Variants in GIGYF1 observed in about 807,000 individuals in gnomAD.
GIGYF1 encodes the protein GRB10 interacting GYF protein 1.
A neutral mutation model predicts 147.1 loss-of-function variants in GIGYF1; 84 were observed. The observed-to-expected ratio is 0.57, with a 90% CI of 0.48 to 0.68. The LOEUF (loss-of-function observed/expected upper bound fraction) is 0.68, where lower values mean the gene tolerates loss of function less well. GIGYF1 is among the 30% of genes least tolerant of loss of function. GIGYF1 has a pLI of 0.00. For missense variants in GIGYF1, 1,485 were observed against 1,393.7 expected (o/e 1.07, Z -1.04); for synonymous variants, 752 against 589.5 (o/e 1.28, Z -3.99).
rs1484835488 is a variant in GIGYF1, at chr7:100,682,074, G to A, written c.2923C>T (p.Gln975Ter). The A allele has an allele frequency of 6.2e-7, 1 of 1,611,056 alleles. No homozygotes were observed. The highest frequency in any genetic ancestry group is 8.5e-7 in the Non-Finnish European group (1 of 1,178,870). ...QKASQQRQQQQEAWLSSASLQ... is the reference protein window; with the variant it reads ...QKASQQRQQQ ...GCTGCTGGTGCCGGCTGCCTCACCTGCTGCTGCTGCCGCTGCTGGCTGGCT... is the reference window on the plus strand; with the variant it reads ...GCTGCTGGTGCCGGCTGCCTCACCTACTGCTGCTGCCGCTGCTGGCTGGCT... The change falls in exon 25 of 27, where the codon CAG (glutamine) becomes TAG (stop). Residue 975 changes from glutamine (Q) to a stop codon, truncating the protein, a stop_gained and splice_region_variant. Transcript: ENST00000678049. LOFTEE classifies it high-confidence loss of function.
intron 14 of GIGYF1, 29 bp from the exon 15 acceptor site, chr7:100,684,923 C>G: frequency 6.2e-7 from 1 of 1,603,976 alleles, no homozygotes; most frequent in Non-Finnish European, 8.5e-7. Context: ...AAGAAAGGCT[C>G]AGCTGCCAAT....
intron 24 of GIGYF1, 31 bp from the exon 25 acceptor site, chr7:100,682,266 C>T (rs1415576463): frequency 1.2e-6 from 2 of 1,608,216 alleles, no homozygotes; most frequent in East Asian, 2.2e-5. Context: ...GTCAGGGCCC[C>T]CTGGCCGGGT....
rs1354883017 is a variant in GIGYF1, at chr7:100,686,691, C to T, written c.652G>A (p.Gly218Arg). Residue 218 changes from glycine (G) to arginine (R), a missense_variant, in exon 10 of 27, where the codon GGG becomes AGG. Transcript: ENST00000678049. ...CAGCGGTCGCCGTCTCGCCGGGGCC[C>T]TGCTCCGAGCCTCCAGCTGCCCTCC... ...EEEGSWRLGAGPRRDGDRWRS... is the reference protein window; with the variant it reads ...EEEGSWRLGARPRRDGDRWRS... 6.2e-7 allele frequency: 1 copy of T among 1,613,166 alleles called. No homozygotes were observed. Among genetic ancestry groups the T allele is most frequent in the Non-Finnish European group, 8.5e-7 (1 of 1,179,840 alleles).
intron 1 of GIGYF1, 51 bp downstream of exon 1, chr7:100,694,059 G>A (rs1377970259): frequency 6.8e-6 from 1 of 146,434 alleles, no homozygotes; most frequent in East Asian, 2.0e-4. Context: ...GGGCGGGCCT[G>A]CCCCGGGGCT....
chr7:100,688,306 A>T lies in GIGYF1; in HGVS notation c.-68T>A. Reference sequence around the variant, plus strand: ...GGGACCTGGCGTTCACTGTCCAAACACCTGTGGGGGAACAGGGGCCATGAA... The same window carrying T: ...GGGACCTGGCGTTCACTGTCCAAACTCCTGTGGGGGAACAGGGGCCATGAA... On this transcript the variant is annotated splice_region_variant and 5_prime_UTR_variant, in exon 4 of 27. Coordinates refer to ENST00000678049, the MANE Select transcript of GIGYF1 (RefSeq NM_001375765.1). 8.3e-7 allele frequency: 1 copy of T among 1,199,894 alleles called. No individual in the cohort carries two copies. Among genetic ancestry groups the T allele is most frequent in the Non-Finnish European group, 1.2e-6 (1 of 815,980 alleles). 74.3% of individuals were successfully genotyped at this position (1,199,894 alleles called of 1,614,324 possible).
chr7:100,688,003 G>A lies in GIGYF1; in HGVS notation c.143C>T (p.Ala48Val). The change falls in exon 5 of 27, where the codon GCT (alanine) becomes GTT (valine). Residue 48 changes from alanine to valine, a missense_variant. Ala to Val is a moderately conservative substitution (Grantham distance 64, BLOSUM62 0). Coordinates refer to ENST00000678049, the MANE Select transcript of GIGYF1 (RefSeq NM_001375765.1). ...DYRYGREEML[A>V]LYVKENKVPE... is the part of the protein sequence containing the mutation. ...CACCTTGTTCTCCTTGACGTAGAGAGCCAGCATTTCCTCTCGCCCATAACG... is the reference window on the plus strand; with the variant it reads ...CACCTTGTTCTCCTTGACGTAGAGAACCAGCATTTCCTCTCGCCCATAACG... 2.5e-6 allele frequency: 4 copies of A among 1,613,120 alleles called. No homozygotes were observed. The highest frequency in any genetic ancestry group is 3.4e-6 in the Non-Finnish European group (4 of 1,179,354).
In GIGYF1 at chr7:100,684,298, G is replaced by A. The variant is rs1262110636; in HGVS notation, c.1669C>T (p.Leu557=). 1.2e-6 allele frequency: 2 copies of A among 1,602,922 alleles called. No individual in the cohort carries two copies. The highest frequency in any genetic ancestry group is 1.7e-5 in the Admixed American group (1 of 58,386). Residue 557 remains leucine (L), a synonymous_variant, in exon 17 of 27, where the codon CTG becomes TTG. Coordinates refer to ENST00000678049, the MANE Select transcript of GIGYF1 (RefSeq NM_001375765.1). ...TGCTGGTACAAGGCCGCCGCGGCCA[G>A]CTCCTGTTGCTTCTTCAGCCGCTCC... The part of the protein sequence containing the change: ...DQERLKKQQE[L]AAAALYQQLQ...
chr7:100,693,972 G>A (rs1220207202), intron 1 of GIGYF1, 138 bp downstream of exon 1: 1 of 150,234 alleles, frequency 6.7e-6, no homozygotes, highest in Non-Finnish European at 1.5e-5. Context: ...GACGGGGGAG[G>A]GTCCTCGCTG....
chr7:100,683,025 G>A lies in GIGYF1; in HGVS notation c.2399C>T (p.Pro800Leu), dbSNP rs1404603626. 4.6e-6 allele frequency: 7 copies of A among 1,535,834 alleles called. No individual in the cohort carries two copies. The highest frequency in any genetic ancestry group is 6.1e-6 in the Non-Finnish European group (7 of 1,145,914). The change falls in exon 22 of 27, where the codon CCC (proline) becomes CTC (leucine). Residue 800 changes from proline (P) to leucine (L), a missense_variant. By Grantham distance (98) the Pro-to-Leu change is moderately conservative. Transcript: ENST00000678049. ...PPREPARAQA[P>L]NHRVQLGGLG... ...CGGCCTGCTCACCACTCGGTGGTTG[G>A]GGGCCTGGGCCCGAGCTGGCTCCCG...
At position 100,683,185 on chromosome 7, in the gene GIGYF1, C is replaced by T. The variant is rs1021907570; in HGVS notation, c.2239G>A (p.Ala747Thr). The part of the protein sequence containing the change: ...LLLKLLQQQQ[A>T]VPVPPAPSSP... Reference sequence around the variant, plus strand: ...CTGGGTGCGGGGGGCACAGGGACCGCCTGCTGCTGCTGTAGCAACTTCAGC... The same window carrying T: ...CTGGGTGCGGGGGGCACAGGGACCGTCTGCTGCTGCTGTAGCAACTTCAGC... Residue 747 changes from alanine (A) to threonine (T), a missense_variant, in exon 22 of 27, where the codon GCG becomes ACG. Coordinates refer to ENST00000678049, the MANE Select transcript of GIGYF1 (RefSeq NM_001375765.1). 6 of 1,607,048 alleles carry T rather than the reference C, an allele frequency of 3.7e-6. No individual in the cohort carries two copies. Among genetic ancestry groups the T allele is most frequent in the Non-Finnish European group, 5.1e-6 (6 of 1,179,442 alleles).
intron 9 of GIGYF1, 57 bp downstream of exon 9, chr7:100,686,949 G>T (rs1805410076): frequency 6.2e-7 from 1 of 1,607,774 alleles, no homozygotes. Context: ...CCCCAGACTG[G>T]GCCACCCATC....
At chr7:100,688,422 T>C in intron 3 of GIGYF1, 29 bp downstream of exon 3, 1 of 702,204 alleles carries the variant, frequency 1.4e-6, no homozygotes, top group South Asian at 1.5e-5. Flanking sequence ...GACTAGCTGG[T>C]GGGTCACCTG....
rs754959861 is a variant in GIGYF1 at position 100,684,150 on chromosome 7, G to A, written c.1738C>T (p.Leu580Phe). 2 of 1,608,700 alleles carry A rather than the reference G, an allele frequency of 1.2e-6. No individual in the cohort carries two copies. Among genetic ancestry groups the A allele is most frequent in the Non-Finnish European group, 1.7e-6 (2 of 1,179,554 alleles). ...QFLQLVSSRQLPQCALREKAA... is the reference protein window; with the variant it reads ...QFLQLVSSRQFPQCALREKAA... ...TTTTCTCGGAGCGCGCACTGTGGGA[G>A]CTGGCGGCTGCAAATGGGACAGTGG... is the stretch of plus-strand genomic sequence containing the variant. Residue 580 changes from leucine to phenylalanine, a missense_variant, in exon 18 of 27, where the codon CTC becomes TTC. Physicochemically the swap from Leu to Phe is conservative, Grantham distance 22 (BLOSUM62 0). Coordinates refer to ENST00000678049, the MANE Select transcript of GIGYF1 (RefSeq NM_001375765.1).
In GIGYF1 at chr7:100,681,949, GGCCTGGAAGGCC is replaced by G; in HGVS notation, c.2958_2969del (p.Ala987_Ala990del). On this transcript the variant is annotated inframe_deletion, in exon 26 of 27. Transcript: ENST00000678049. ...CGGGGCCGAGTTTGGTGCTGTGGTT[GGCCTGGAAGGCC>G]GTCTGCAGCGAGGCGCTGCTCAGCC... is the stretch of plus-strand genomic sequence containing the variant. 1 of 1,609,454 alleles carries G rather than the reference GGCCTGGAAGGCC, an allele frequency of 6.2e-7. No individual in the cohort carries two copies. Among genetic ancestry groups the G allele is most frequent in the Non-Finnish European group, 8.5e-7 (1 of 1,179,934 alleles).
rs1349491213 is a variant in GIGYF1 at position 100,680,418 on chromosome 7, A to C, written c.*1301T>G. 3.3e-5 allele frequency: 5 copies of C among 152,730 alleles called. No homozygotes were observed. The highest frequency in any genetic ancestry group is 7.3e-5 in the Non-Finnish European group (5 of 68,048). 9.5% of individuals were successfully genotyped at this position (152,730 alleles called of 1,614,324 possible). A position where few individuals can be genotyped will look rare whatever the true frequency, so the allele number is the denominator to read the frequency against. ...ACCCAAAATGGGCGGAGACGAACCCAAGTAGGGGACCGGGAATAAGAAGTG... is the reference window on the plus strand; with the variant it reads ...ACCCAAAATGGGCGGAGACGAACCCCAGTAGGGGACCGGGAATAAGAAGTG... On this transcript the variant is annotated 3_prime_UTR_variant, in exon 27 of 27. Transcript: ENST00000678049.
In GIGYF1 at chr7:100,687,038, C is replaced by G; in HGVS notation, c.491G>C (p.Arg164Thr). 6.2e-7 allele frequency: 1 copy of G among 1,613,898 alleles called. No homozygotes were observed. The highest frequency in any genetic ancestry group is 8.5e-7 in the Non-Finnish European group (1 of 1,180,022). Reference protein sequence around the residue: ...RSQSWDDRGERRFEKSARRDG... With the variant: ...RSQSWDDRGETRFEKSARRDG... ...CCGCCTTGCTGACTTCTCAAACCGC[C>G]TCTCGCCTCTGCAGCAGGGGAAACG... The change falls in exon 9 of 27, where the codon AGG becomes ACG. Residue 164 changes from arginine to threonine, a missense_variant. Coordinates refer to ENST00000678049, the MANE Select transcript of GIGYF1 (RefSeq NM_001375765.1).
Position 100,683,155 on chromosome 7 carries a change from G to T in GIGYF1, c.2269C>A (p.Pro757Thr). The change falls in exon 22 of 27, where the codon CCG (proline) becomes ACG (threonine). Residue 757 changes from proline to threonine, a missense_variant. Pro to Thr is a conservative substitution (Grantham distance 38, BLOSUM62 -1). Transcript: ENST00000678049. ...GCCAGGCCAGCCCAGAGTGGGGGCG[G>T]GGAGCTGGGTGCGGGGGGCACAGGG... Reference protein sequence around the residue: ...AVPVPPAPSSPPPLWAGLAKQ... With the variant: ...AVPVPPAPSSTPPLWAGLAKQ... 6.2e-7 allele frequency: 1 copy of T among 1,601,032 alleles called. No homozygotes were observed.
In GIGYF1 at chr7:100,681,707, G is replaced by T. The variant is rs1459470710; in HGVS notation, c.*12C>A. ...CCTGGCCTACAGCCCAGGGGCTGGGGGTCCGGGCTGGTCAGTAGTCATCCA... is the reference window on the plus strand; with the variant it reads ...CCTGGCCTACAGCCCAGGGGCTGGGTGTCCGGGCTGGTCAGTAGTCATCCA... On this transcript the variant is annotated 3_prime_UTR_variant, in exon 27 of 27. Coordinates refer to ENST00000678049, the MANE Select transcript of GIGYF1 (RefSeq NM_001375765.1). The T allele has an allele frequency of 1.9e-6, 3 of 1,548,582 alleles. No individual in the cohort carries two copies. The highest frequency in any genetic ancestry group is 1.8e-4 in the Middle Eastern group (1 of 5,620).
rs1455724041 is a variant in GIGYF1 at position 100,680,826 on chromosome 7, G to A, written c.*893C>T. 1.3e-5 allele frequency: 2 copies of A among 152,728 alleles called. No homozygotes were observed. Among genetic ancestry groups the A allele is most frequent in the African/African-American group, 4.8e-5 (2 of 41,460 alleles). The allele number at this position is 152,728 out of a possible 1,614,324, so 9.5% of individuals were successfully genotyped here. A position where few individuals can be genotyped will look rare whatever the true frequency, so the allele number is the denominator to read the frequency against. ...AGGCAGGGGTGAGGCGGGGGCTTGT[G>A]GCCCAAAGAATACATTCACGTGGCA... On this transcript the variant is annotated 3_prime_UTR_variant, in exon 27 of 27. Coordinates refer to ENST00000678049, the MANE Select transcript of GIGYF1 (RefSeq NM_001375765.1).
Sources: gnomAD v4.1 joint callset for allele counts on GRCh38, gnomAD v4.1.1 for gene constraint, MANE v1.5 for transcripts, NCBI Gene and HGNC (gene_info 2026-07-23, HGNC 2026-07-21) for gene names.